ATF7IP: variants seen among roughly 807,000 people sequenced by gnomAD.
ATF7IP encodes the protein activating transcription factor 7 interacting protein, also known as activating transcription factor 7-interacting protein 1.
Under a neutral mutation model 106.4 loss-of-function variants are expected in ATF7IP, and 23 were observed. That is an observed-to-expected ratio of 0.22 (90% CI 0.16 to 0.31). ATF7IP has a LOEUF of 0.31. ATF7IP is among the 10% of genes least tolerant of loss of function. The probability of loss-of-function intolerance (pLI) is 1.00; values close to 1 mark genes in which losing one functional copy is unlikely to be tolerated. For missense variants in ATF7IP, 1,334 were observed against 1,524.3 expected (o/e 0.88, Z 2.08); for synonymous variants, 542 against 539.0 (o/e 1.01, Z -0.08).
intron 5 of ATF7IP, among the ~76,000 whole-genome samples, chr12:14,446,012 G>C (rs565560345): frequency 6.6e-6 from 1 of 152,038 alleles, no homozygotes; most frequent in Admixed American, 6.5e-5. Context: ...TTTTTGTTCT[G>C]CTTTTTTTTC....
At chr12:14,408,143 A>AAAT (rs1940707960) in intron 1 of ATF7IP, among the ~76,000 whole-genome samples, 1 of 99,270 alleles carries the variant, frequency 1.0e-5, no homozygotes, top group Non-Finnish European at 2.2e-5. Context: ...CACACACACA[A>AAAT]ATATATATGG....
intron 1 of ATF7IP, among the ~76,000 whole-genome samples, chr12:14,397,341 C>G (rs1332603152): frequency 6.6e-6 from 1 of 152,176 alleles, no homozygotes; most frequent in Non-Finnish European, 1.5e-5. Flanking sequence ...ATGTATTTAG[C>G]AAGCAATGTA....
chr12:14,398,810 A>G (rs2136456591), intron 1 of ATF7IP, among the ~76,000 whole-genome samples: 1 of 151,876 alleles, frequency 6.6e-6, no homozygotes, highest in East Asian at 1.9e-4. Context: ...TAGGTTTTAT[A>G]TGTATACCTA....
intron 1 of ATF7IP, among the ~76,000 whole-genome samples, chr12:14,367,762 C>T (rs1467432649): frequency 6.6e-6 from 1 of 152,024 alleles, no homozygotes; most frequent in African/African-American, 2.4e-5. Context: ...GACGATTTTG[C>T]TGTCATGTTT....
chr12:14,471,364 A>C (rs1363185954), intron 10 of ATF7IP, among the ~76,000 whole-genome samples: 2 of 152,196 alleles, frequency 1.3e-5, no homozygotes, highest in Admixed American at 6.5e-5. Context: ...ATCTATTACT[A>C]AGAGTGGTAT....
At chr12:14,422,708 T>TGTA (rs1941600992) in intron 1 of ATF7IP, among the ~76,000 whole-genome samples, 1 of 152,212 alleles carries the variant, frequency 6.6e-6, no homozygotes, top group Non-Finnish European at 1.5e-5. Flanking sequence ...GGTTTATGCA[T>TGTA]GTAGTAGCAT....
chr12:14,423,283 TATATAA>T (rs1941634017), intron 1 of ATF7IP, among the ~76,000 whole-genome samples: 1 of 152,130 alleles, frequency 6.6e-6, no homozygotes, highest in African/African-American at 2.4e-5. Context: ...GTCTGTATTC[TATATAA>T]ATATATATTC....
At chr12:14,419,826 G>A (rs1026827839) in intron 1 of ATF7IP, 2 of 152,020 alleles carry the variant, frequency 1.3e-5, no homozygotes, top group African/African-American at 4.8e-5. Flanking sequence ...CTGTTTAAAT[G>A]AAGAGTAATT....
intron 13 of ATF7IP, among the ~76,000 whole-genome samples, chr12:14,484,600 G>C (rs1329810072): frequency 6.6e-6 from 1 of 152,190 alleles, no homozygotes; most frequent in Non-Finnish European, 1.5e-5. Flanking sequence ...GCACTTTACA[G>C]TGGTGCCTGC....
intron 13 of ATF7IP, among the ~76,000 whole-genome samples, chr12:14,493,723 G>A (rs1251585256): frequency 6.6e-6 from 1 of 152,082 alleles, no homozygotes; most frequent in Non-Finnish European, 1.5e-5. Context: ...GTAGACACCT[G>A]GCAAGGCTGT....
chr12:14,476,179 C>A, intron 11 of ATF7IP: 1 of 433,606 alleles, frequency 2.3e-6, no homozygotes, highest in Non-Finnish European at 4.1e-6. Flanking sequence ...GAGGCCAAGG[C>A]AGGAGGATCG....
In ATF7IP at chr12:14,475,921, G is replaced by A; in HGVS notation, c.2894G>A (p.Gly965Asp). 6.2e-7 allele frequency: 1 copy of A among 1,613,774 alleles called. No individual in the cohort carries two copies. Among genetic ancestry groups the A allele is most frequent in the Non-Finnish European group, 8.5e-7 (1 of 1,179,882 alleles). ...AAAGCCACTGGCAGTGATTCAAGTG[G>A]TGTCATTGATCTCACAATGGATGAT... Reference protein sequence around the residue: ...CGKATGSDSSGVIDLTMDDEE... With the variant: ...CGKATGSDSSDVIDLTMDDEE... The change falls in exon 11 of 15, where the codon GGT becomes GAT. Residue 965 changes from glycine (G) to aspartate (D), a missense_variant. Coordinates refer to ENST00000261168, the MANE Select transcript of ATF7IP (RefSeq NM_018179.5).
intron 9 of ATF7IP, chr12:14,466,255 A>G: frequency 6.5e-6 from 2 of 307,424 alleles, no homozygotes; most frequent in South Asian, 1.6e-4. Context: ...AGTTATGTGT[A>G]TCTTAAATTA....
chr12:14,494,427 TTA>T (rs1944943743), intron 13 of ATF7IP, among the ~76,000 whole-genome samples: 1 of 143,726 alleles, frequency 7.0e-6, no homozygotes, highest in African/African-American at 2.5e-5. Flanking sequence ...TATATATATT[TTA>T]TATATTATAT....
intron 10 of ATF7IP, among the ~76,000 whole-genome samples, chr12:14,467,709 G>A (rs1393699454): frequency 6.6e-6 from 1 of 151,406 alleles, no homozygotes; most frequent in African/African-American, 2.4e-5. Flanking sequence ...TTCAAGGAAA[G>A]GAAAATGGAC....
intron 9 of ATF7IP, among the ~76,000 whole-genome samples, chr12:14,465,755 AATTGTTTAC>A (rs1943808566): frequency 1.3e-5 from 2 of 152,072 alleles, no homozygotes; most frequent in Non-Finnish European, 2.9e-5. Flanking sequence ...TTTAAACATA[AATTGTTTAC>A]TCTGTATGCA....
In ATF7IP at chr12:14,460,662, A is replaced by G; in HGVS notation, c.2326A>G (p.Ile776Val). ...GCCTAGTGGAAATCCCCAGCCTACA[A>G]TCTCTTTACAGCCTTTGCCAGTGAT... ...QVPSGNPQPT[I>V]SLQPLPVILH... The change falls in exon 9 of 15, where the codon ATC (isoleucine) becomes GTC (valine). Residue 776 changes from isoleucine to valine, a missense_variant. Coordinates refer to ENST00000261168, the MANE Select transcript of ATF7IP (RefSeq NM_018179.5). 6.2e-7 allele frequency: 1 copy of G among 1,614,104 alleles called. No individual in the cohort carries two copies. Among genetic ancestry groups the G allele is most frequent in the Middle Eastern group, 1.6e-4 (1 of 6,062 alleles).
chr12:14,396,393 G>A (rs1431684286), intron 1 of ATF7IP, among the ~76,000 whole-genome samples: 1 of 151,890 alleles, frequency 6.6e-6, no homozygotes, highest in African/African-American at 2.4e-5. Flanking sequence ...TCAGGGGCAG[G>A]AACTGTTCCT....
chr12:14,473,527 G>T (rs1944140478), intron 10 of ATF7IP, among the ~76,000 whole-genome samples: 1 of 151,702 alleles, frequency 6.6e-6, no homozygotes, highest in African/African-American at 2.4e-5. Context: ...TAAATATATT[G>T]TTTTTAATTT....
Sources: gnomAD v4.1 joint callset for allele counts (sites outside exome capture counted in the v4.1 genomes callset) on GRCh38, gnomAD v4.1.1 for gene constraint, MANE v1.5 for transcripts, NCBI Gene and HGNC (gene_info 2026-07-23, HGNC 2026-07-21) for gene names.